ATG3: variants seen among roughly 807,000 people sequenced by gnomAD.
ATG3 encodes autophagy related 3, also known as ubiquitin-like-conjugating enzyme ATG3.
Under a neutral mutation model 50.7 loss-of-function variants are expected in ATG3, and 25 were observed. That is an observed-to-expected ratio of 0.49 (90% confidence interval 0.36 to 0.69). ATG3 has a LOEUF of 0.69. Among genes scored for constraint, ATG3 ranks in the 30% least tolerant of loss-of-function variants. The pLI is 0.00. For missense variants in ATG3, 281 were observed against 376.0 expected (o/e 0.75, Z 2.09); for synonymous variants, 119 against 125.5 (o/e 0.95, Z 0.34).
Position 112,532,617 on chromosome 3 carries a change from G to A in ATG3, c.*82C>T, listed in dbSNP as rs942229890. ...TATTAGAGAAACTGTATATATTGAT[G>A]AATATGGTCAATGGTCACATCTATG... On this transcript the variant is annotated 3_prime_UTR_variant, in exon 12 of 12. Transcript: ENST00000283290. 8.6e-6 allele frequency: 9 copies of A among 1,043,884 alleles called. No individual in the cohort carries two copies. In the African/African-American group the frequency reaches 1.3e-4, roughly 15 times the overall value. 64.7% of individuals were successfully genotyped at this position (1,043,884 alleles called of 1,614,324 possible).
At chr3:112,544,314 A>G (rs1933314248) in intron 5 of ATG3, among the ~76,000 whole-genome samples, 1 of 152,196 alleles carries the variant, frequency 6.6e-6, no homozygotes, top group South Asian at 2.1e-4. Flanking sequence ...ATATTTTACC[A>G]TGAATTACTT....
At chr3:112,542,035 T>A in intron 6 of ATG3, 151 bp from the exon 7 acceptor site, 1 of 546,670 alleles carries the variant, frequency 1.8e-6, no homozygotes, top group East Asian at 2.9e-5. Flanking sequence ...ATGAAGATAA[T>A]GAATTCATAT....
At chr3:112,548,213 G>A (rs1381064195) in intron 5 of ATG3, among the ~76,000 whole-genome samples, 1 of 152,128 alleles carries the variant, frequency 6.6e-6, no homozygotes, top group East Asian at 1.9e-4. Flanking sequence ...TTAGCTGGGC[G>A]TGGGGGTGCA....
In ATG3 at chr3:112,532,648, ATTCT is replaced by A. The variant is rs775278503; in HGVS notation, c.*47_*50del. ...GGTCAATGGTCACATCTATGGGTTA[ATTCT>A]TTAAAAATCAGAACCAATAATTAGG... is the stretch of plus-strand genomic sequence containing the variant. On this transcript the variant is annotated 3_prime_UTR_variant, in exon 12 of 12. Transcript: ENST00000283290. The A allele has an allele frequency of 1.4e-6, 2 of 1,404,500 alleles. No homozygotes were observed. Among genetic ancestry groups the A allele is most frequent in the Non-Finnish European group, 1.9e-6 (2 of 1,033,140 alleles). The allele number at this position is 1,404,500 out of a possible 1,614,324, so 87.0% of individuals were successfully genotyped here. A position where few individuals can be genotyped will look rare whatever the true frequency, so the allele number is the denominator to read the frequency against.
Position 112,534,269 on chromosome 3 carries a change from A to G in ATG3, c.863T>C (p.Met288Thr). The change falls in exon 11 of 12, where the codon ATG becomes ACG. Residue 288 changes from methionine (M) to threonine (T), a missense_variant and splice_region_variant. By Grantham distance (81) the Met-to-Thr change is moderately conservative (BLOSUM62 -1). Coordinates refer to ENST00000283290, the MANE Select transcript of ATG3 (RefSeq NM_022488.5). ...TAATCTTACATACAGGGAAGGATAC[A>G]TATGAACTCCAAGTTCTCCCCCTCC... is the stretch of plus-strand genomic sequence containing the variant. ...AEGGGELGVH[M>T]YLLIFLKFVQ... is the part of the protein sequence containing the mutation. 2 of 1,602,380 alleles carry G rather than the reference A, an allele frequency of 1.2e-6. No homozygotes were observed. The highest frequency in any genetic ancestry group is 1.7e-6 in the Non-Finnish European group (2 of 1,174,624).
intron 5 of ATG3, among the ~76,000 whole-genome samples, chr3:112,545,338 A>C (rs1933343281): frequency 6.6e-6 from 1 of 152,252 alleles, no homozygotes; most frequent in Admixed American, 6.5e-5. Flanking sequence ...TTCTACTTCA[A>C]AGTACCTGTC....
intron 11 of ATG3, chr3:112,533,545 C>A: frequency 1.0e-6 from 1 of 985,338 alleles, no homozygotes; most frequent in Non-Finnish European, 1.2e-6. Context: ...GACGTGGCAT[C>A]TTAGTCTCCA....
rs532003344 is a variant in ATG3, at chr3:112,542,002, G to T, written c.394-118C>A. ...AAATAAGAATGACAAGGCAGTTCTT[G>T]TCCACAAAAACCTTAAACTCCAATG... On this transcript the variant is annotated intron_variant, in intron 6 of 11. Transcript: ENST00000283290. 19 of 700,602 alleles carry T rather than the reference G, an allele frequency of 2.7e-5. No homozygotes were observed. In the East Asian group the frequency reaches 4.8e-4, roughly 18 times the overall value. 43.4% of individuals were successfully genotyped at this position (700,602 alleles called of 1,614,324 possible). A position where few individuals can be genotyped will look rare whatever the true frequency, so the allele number is the denominator to read the frequency against.
rs1474801123 is a variant in ATG3 at position 112,537,520 on chromosome 3, TTC to T, written c.666+213_666+214del. 7 of 376,788 alleles carry T rather than the reference TTC, an allele frequency of 1.9e-5. No homozygotes were observed. The East Asian group carries it at 2.5e-4, about 14-fold the overall frequency. The allele number at this position is 376,788 out of a possible 1,614,324, so 23.3% of individuals were successfully genotyped here. A position where few individuals can be genotyped will look rare whatever the true frequency, so the allele number is the denominator to read the frequency against. On this transcript the variant is annotated intron_variant, in intron 9 of 11. Transcript: ENST00000283290. ...AAAAAAGGAATATGTAATAGATTAT[TTC>T]TGTTTATGTCTTAGCATTATTGTTA...
chr3:112,537,751 A>C lies in ATG3; in HGVS notation c.650T>G (p.Leu217Trp). Reference sequence around the variant, plus strand: ...CATTTTTACCTCATCATAGCCAAACAACCATAATCGTGGAGTCTGGTAATA... The same window carrying C: ...CATTTTTACCTCATCATAGCCAAACCACCATAATCGTGGAGTCTGGTAATA... ...DKYYQTPRLW[L>W]FGYDEQRQPL... Residue 217 changes from leucine to tryptophan, a missense_variant, in exon 9 of 12, where the codon TTG (leucine) becomes TGG (tryptophan). Coordinates refer to ENST00000283290, the MANE Select transcript of ATG3 (RefSeq NM_022488.5). 1.3e-6 allele frequency: 2 copies of C among 1,577,634 alleles called. No individual in the cohort carries two copies. The highest frequency in any genetic ancestry group is 1.7e-6 in the Non-Finnish European group (2 of 1,166,746).
intron 8 of ATG3, 125 bp downstream of exon 8, chr3:112,538,021 T>G (rs1933120097): frequency 8.2e-7 from 1 of 1,217,026 alleles, no homozygotes; most frequent in South Asian, 1.4e-5. Context: ...AAAGCTACGT[T>G]TTATATGCTA....
intron 5 of ATG3, among the ~76,000 whole-genome samples, chr3:112,544,728 G>A (rs1318008736): frequency 6.8e-6 from 1 of 147,370 alleles, no homozygotes; most frequent in Non-Finnish European, 1.5e-5. Flanking sequence ...AATTAAACTT[G>A]CATCAAAATT....
At chr3:112,555,950 C>T (rs1195558591) in intron 2 of ATG3, among the ~76,000 whole-genome samples, 2 of 152,186 alleles carry the variant, frequency 1.3e-5, no homozygotes, top group Admixed American at 1.3e-4. Flanking sequence ...GCATCTCTAA[C>T]TGCAACTATA....
intron 1 of ATG3, among the ~76,000 whole-genome samples, chr3:112,559,606 T>C (rs1933783952): frequency 6.6e-6 from 1 of 152,196 alleles, no homozygotes; most frequent in Admixed American, 6.5e-5. Context: ...CACTGAATAA[T>C]GACTTAAAAA....
At chr3:112,544,359 G>A (rs185946238) in intron 5 of ATG3, among the ~76,000 whole-genome samples, 1 of 152,170 alleles carries the variant, frequency 6.6e-6, no homozygotes. Flanking sequence ...CACTTTCTGA[G>A]AAACAGAACA....
intron 2 of ATG3, among the ~76,000 whole-genome samples, chr3:112,555,608 CAA>C (rs1933650571): frequency 6.6e-6 from 1 of 152,140 alleles, no homozygotes; most frequent in South Asian, 2.1e-4. Flanking sequence ...TGAATGAAAA[CAA>C]AAAGATAGCT....
At chr3:112,546,049 T>C (rs780368156) in intron 5 of ATG3, among the ~76,000 whole-genome samples, 6 of 150,522 alleles carry the variant, frequency 4.0e-5, no homozygotes, top group Admixed American at 6.7e-5. Flanking sequence ...AGCTGCAATA[T>C]CAACACTCCC....
intron 1 of ATG3, among the ~76,000 whole-genome samples, chr3:112,558,900 G>C (rs1037925932): frequency 2.3e-4 from 35 of 151,974 alleles, no homozygotes; most frequent in African/African-American, 8.5e-4. Flanking sequence ...CACCATGCCC[G>C]GCTAATTTTT....
chr3:112,551,887 C>G (rs932014792), intron 3 of ATG3, among the ~76,000 whole-genome samples: 3 of 151,592 alleles, frequency 2.0e-5, no homozygotes, highest in Non-Finnish European at 2.9e-5. Context: ...AAATATGGAA[C>G]AAAAAACACA....
Sources: gnomAD v4.1 joint callset for allele counts (sites outside exome capture counted in the v4.1 genomes callset) on GRCh38, gnomAD v4.1.1 for gene constraint, MANE v1.5 for transcripts, NCBI Gene and HGNC (gene_info 2026-07-23, HGNC 2026-07-21) for gene names.